The following INPP5D variants were observed in gnomAD, a reference collection of about 807,000 sequenced individuals.
INPP5D encodes inositol polyphosphate-5-phosphatase D, also known as phosphatidylinositol 3,4,5-trisphosphate 5-phosphatase 1.
In INPP5D, 33 loss-of-function variants were observed where a neutral mutation model predicts 122.9. The observed-to-expected ratio is 0.27, with a 90% confidence interval of 0.20 to 0.36. The LOEUF (loss-of-function observed/expected upper bound fraction) is 0.36, where lower values mean the gene tolerates loss of function less well. Among genes scored for constraint, INPP5D ranks in the 10% least tolerant of loss-of-function variants. INPP5D has a pLI of 1.00. For missense variants in INPP5D, 1,053 were observed against 1,412.7 expected (o/e 0.75, Z 4.08); for synonymous variants, 584 against 576.2 (o/e 1.01, Z -0.19).
Position 233,170,236 on chromosome 2 carries a change from A to C in INPP5D, c.1791+72A>C. The C allele has an allele frequency of 1.3e-6, 2 of 1,565,980 alleles. No homozygotes were observed. Among genetic ancestry groups the C allele is most frequent in the Admixed American group, 3.9e-5 (2 of 51,770 alleles). Reference sequence around the variant, plus strand: ...AGGCTCCCTTGAGTCAGCTTGGGGCAGGTGGTCGTGGAGACATGTGAATCA... The same window carrying C: ...AGGCTCCCTTGAGTCAGCTTGGGGCCGGTGGTCGTGGAGACATGTGAATCA... On this transcript the variant is annotated intron_variant, in intron 15 of 26. Coordinates refer to ENST00000445964, the MANE Select transcript of INPP5D (RefSeq NM_001017915.3). This position sits in a 1 kb window ranked among gnomAD's most constrained non-coding sequence, Gnocchi z 4.5.
intron 18 of INPP5D, among the ~76,000 whole-genome samples, chr2:233,181,293 C>G (rs1280489622): frequency 6.6e-6 from 1 of 152,098 alleles, no homozygotes; most frequent in African/African-American, 2.4e-5. Context: ...GAGTGTTTAT[C>G]TTTTTCTTGC....
At chr2:233,185,807 T>G (rs753306483) in intron 20 of INPP5D, 36 bp from the exon 21 acceptor site, 15 of 1,571,648 alleles carry the variant, frequency 9.5e-6, no homozygotes, top group Non-Finnish European at 1.2e-5. Context: ...GTTCTTGCTC[T>G]GTTTTCTGAA....
At chr2:233,110,687 T>C (rs1692599290) in intron 2 of INPP5D, among the ~76,000 whole-genome samples, 1 of 152,174 alleles carries the variant, frequency 6.6e-6, no homozygotes, top group African/African-American at 2.4e-5. Context: ...TTTGGGAAGC[T>C]GAGGCAGGTG....
Position 233,184,391 on chromosome 2 carries a change from G to A in INPP5D, c.2162-17G>A, listed in dbSNP as rs759461575. On this transcript the variant is annotated splice_polypyrimidine_tract_variant and intron_variant, in intron 19 of 26. Coordinates refer to ENST00000445964, the MANE Select transcript of INPP5D (RefSeq NM_001017915.3). ...AGGCACATTGTGGAACTGAATCCGT[G>A]TTCTCCCCTGTTCCAGGTCCCGGGA... 6.2e-7 allele frequency: 1 copy of A among 1,613,458 alleles called. No individual in the cohort carries two copies. Among genetic ancestry groups the A allele is most frequent in the Non-Finnish European group, 8.5e-7 (1 of 1,179,686 alleles).
chr2:233,152,755 A>G (rs1156977700), intron 9 of INPP5D, among the ~76,000 whole-genome samples: 1 of 152,184 alleles, frequency 6.6e-6, no homozygotes, highest in Non-Finnish European at 1.5e-5. Flanking sequence ...GCCAGGACTC[A>G]GACAAGGCTG....
chr2:233,165,169 G>A (rs1188773154), intron 13 of INPP5D, among the ~76,000 whole-genome samples: 1 of 152,202 alleles, frequency 6.6e-6, no homozygotes, highest in Non-Finnish European at 1.5e-5. Flanking sequence ...CTGTGTAGGT[G>A]TGTGAGAGTT....
rs1694278212 is a variant in INPP5D, at chr2:233,164,497, C to T, written c.1555+73C>T. On this transcript the variant is annotated intron_variant, in intron 13 of 26. Transcript: ENST00000445964. This position sits in a 1 kb window ranked among gnomAD's most constrained non-coding sequence, Gnocchi z 4.3. ...CTCTCGCGACCACATCATCCTGATC[C>T]CACCAGTAGTTCCCCGGGTTAAAAA... 2.8e-6 allele frequency: 4 copies of T among 1,439,570 alleles called. No individual in the cohort carries two copies. The highest frequency in any genetic ancestry group is 2.8e-6 in the Non-Finnish European group (3 of 1,083,238). 89.2% of individuals were successfully genotyped at this position (1,439,570 alleles called of 1,614,324 possible).
At chr2:233,154,771 A>G (rs951428494) in intron 9 of INPP5D, among the ~76,000 whole-genome samples, 5 of 152,198 alleles carry the variant, frequency 3.3e-5, no homozygotes, top group African/African-American at 7.2e-5. Flanking sequence ...CTGCTAAATC[A>G]CGGAGGTTTG....
At chr2:233,125,254 G>A (rs1693123328) in intron 3 of INPP5D, among the ~76,000 whole-genome samples, 1 of 152,234 alleles carries the variant, frequency 6.6e-6, no homozygotes, top group African/African-American at 2.4e-5. Flanking sequence ...AGAGGCTGGA[G>A]AGAGGGGACC....
At chr2:233,185,132 G>A (rs951693845) in intron 20 of INPP5D, among the ~76,000 whole-genome samples, 14 of 152,068 alleles carry the variant, frequency 9.2e-5, no homozygotes, top group African/African-American at 2.9e-4. Context: ...GTGTCCAGCC[G>A]TCTTCGCTGA....
chr2:233,089,863 C>T (rs1006534693), intron 2 of INPP5D, among the ~76,000 whole-genome samples: 3 of 152,192 alleles, frequency 2.0e-5, no homozygotes, highest in Admixed American at 6.5e-5. Flanking sequence ...GAGGGAGAAG[C>T]GTCTCAGGAA....
rs1277208503 is a variant in INPP5D, at chr2:233,188,460, A to G, written c.2359-1390A>G. 1.3e-5 allele frequency among the ~76,000 whole-genome samples: 2 copies of G among 152,166 alleles called. No individual in the cohort carries two copies. The highest frequency in any genetic ancestry group is 2.9e-5 in the Non-Finnish European group (2 of 68,036). Reference sequence around the variant, plus strand: ...GAACCCCAGCTCTGGCCCTGGGTCTAGCTTAGAGCCTGACATCACCTCATG... The same window carrying G: ...GAACCCCAGCTCTGGCCCTGGGTCTGGCTTAGAGCCTGACATCACCTCATG... On this transcript the variant is annotated intron_variant, in intron 21 of 26. Transcript: ENST00000445964. This position sits in a 1 kb window ranked among gnomAD's most constrained non-coding sequence, Gnocchi z 4.7.
intron 5 of INPP5D, among the ~76,000 whole-genome samples, chr2:233,138,967 G>T (rs1693573895): frequency 6.6e-6 from 1 of 151,342 alleles, no homozygotes; most frequent in Non-Finnish European, 1.5e-5. Context: ...CGTTAGCCAG[G>T]ATGGTCTCGA....
chr2:233,137,681 C>G (rs377057717), intron 5 of INPP5D, among the ~76,000 whole-genome samples: 1 of 148,700 alleles, frequency 6.7e-6, no homozygotes, highest in East Asian at 2.0e-4. Context: ...GTCTTGAACT[C>G]CTGACCTCAG....
At position 233,060,462 on chromosome 2, in the gene INPP5D, G is replaced by A. The variant is rs777478947; in HGVS notation, c.-17G>A. ...TGGGGGTGCCTGCCGGCCCGGCCGA[G>A]GAGGCCCACGCCCACCATGGTCCCC... On this transcript the variant is annotated 5_prime_UTR_variant, in exon 1 of 27. Transcript: ENST00000445964. 1.9e-6 allele frequency: 3 copies of A among 1,590,452 alleles called. No individual in the cohort carries two copies. Among genetic ancestry groups the A allele is most frequent in the Non-Finnish European group, 8.6e-7 (1 of 1,167,424 alleles).
At position 233,122,103 on chromosome 2, in the gene INPP5D, T is replaced by C. The variant is rs1443796437; in HGVS notation, c.199-4T>C. 1.2e-6 allele frequency: 2 copies of C among 1,613,942 alleles called. No homozygotes were observed. On this transcript the variant is annotated splice_polypyrimidine_tract_variant and splice_region_variant and intron_variant, in intron 2 of 26. Coordinates refer to ENST00000445964, the MANE Select transcript of INPP5D (RefSeq NM_001017915.3). ...GTGCGTTTGTTTGGATGTTCTGTCC[T>C]CAGGCATCCGAAGGCGTCTCCATGA...
intron 22 of INPP5D, 95 bp downstream of exon 22, chr2:233,190,032 A>T: frequency 6.5e-7 from 1 of 1,529,606 alleles, no homozygotes; most frequent in Non-Finnish European, 8.8e-7. Context: ...ACTTCCGGTC[A>T]TAGGCTCCTG....
chr2:233,181,820 G>A (rs1337906266), intron 18 of INPP5D, among the ~76,000 whole-genome samples: 1 of 152,184 alleles, frequency 6.6e-6, no homozygotes, highest in Non-Finnish European at 1.5e-5. Flanking sequence ...AAGTGAGCCA[G>A]GCGTGGTGGC....
At chr2:233,202,395 T>C (rs1163264554) in intron 25 of INPP5D, among the ~76,000 whole-genome samples, 1 of 152,212 alleles carries the variant, frequency 6.6e-6, no homozygotes, top group Non-Finnish European at 1.5e-5. Context: ...GCACCTGCTC[T>C]AAGGTGTTTC....
Sources: allele counts gnomAD v4.1 joint callset (sites outside exome capture counted in the v4.1 genomes callset), GRCh38; gene constraint gnomAD v4.1.1; non-coding constraint Gnocchi (gnomAD v3.1); transcripts MANE v1.5; gene names NCBI Gene and HGNC (gene_info 2026-07-23, HGNC 2026-07-21).